Variants in CRPPA observed in about 807,000 individuals in gnomAD.
CRPPA encodes the protein CDP-L-ribitol pyrophosphorylase A, also known as D-ribitol-5-phosphate cytidylyltransferase.
Under a neutral mutation model 52.0 loss-of-function variants are expected in CRPPA, and 43 were observed. The ratio of observed to expected loss-of-function variants is 0.83; its 90% CI spans 0.65 to 1.07. The LOEUF (loss-of-function observed/expected upper bound fraction) is 1.07, where lower values mean the gene tolerates loss of function less well. Among genes scored for constraint, CRPPA ranks in the 50% least tolerant of loss-of-function variants. CRPPA has a pLI of 0.00. For synonymous variants in CRPPA, 250 were observed against 203.5 expected (o/e 1.23, Z -1.94); for missense variants, 629 against 551.7 (o/e 1.14, Z -1.40).
chr7:16,157,280 C>T (rs891530425), intron 9 of CRPPA, among the ~76,000 whole-genome samples: 1 of 150,316 alleles, frequency 6.7e-6, no homozygotes, highest in Admixed American at 6.7e-5. Context: ...AGATAAGCAA[C>T]TGGAGTTAAA....
intron 3 of CRPPA, among the ~76,000 whole-genome samples, chr7:16,371,622 A>G (rs1447897974): frequency 6.6e-6 from 1 of 152,032 alleles, no homozygotes; most frequent in Non-Finnish European, 1.5e-5. Flanking sequence ...AGAATCAGAA[A>G]AGTAATTCTG....
intron 1 of CRPPA, among the ~76,000 whole-genome samples, chr7:16,407,719 A>C (rs185246329): frequency 6.6e-6 from 1 of 152,292 alleles, no homozygotes; most frequent in East Asian, 1.9e-4. Context: ...CTAAAAGAAG[A>C]CTACACTGAT....
intron 9 of CRPPA, among the ~76,000 whole-genome samples, chr7:16,159,836 G>T (rs1161746237): frequency 6.6e-6 from 1 of 152,150 alleles, no homozygotes; most frequent in African/African-American, 2.4e-5. Context: ...CAGTGTAAAA[G>T]TGTTCCTATT....
chr7:16,388,973 A>C (rs937087386), intron 2 of CRPPA, among the ~76,000 whole-genome samples: 1 of 152,242 alleles, frequency 6.6e-6, no homozygotes, highest in African/African-American at 2.4e-5. Flanking sequence ...GAGAAATAAA[A>C]AGGAACATAA....
chr7:16,099,277 G>T (rs1781992548), intron 9 of CRPPA, among the ~76,000 whole-genome samples: 2 of 148,366 alleles, frequency 1.3e-5, no homozygotes, highest in African/African-American at 5.0e-5. Flanking sequence ...AGGGAGAGGG[G>T]CAGAAAAAAA....
intron 3 of CRPPA, among the ~76,000 whole-genome samples, chr7:16,374,994 G>A (rs552668966): frequency 3.5e-4 from 54 of 152,218 alleles, no homozygotes; most frequent in South Asian, 1.0e-3. Flanking sequence ...AAATGTTGAT[G>A]TACAGTTCTC....
intron 2 of CRPPA, among the ~76,000 whole-genome samples, chr7:16,385,977 T>A (rs561707615): frequency 8.7e-4 from 132 of 152,332 alleles, no homozygotes; most frequent in South Asian, 2.5e-3. Flanking sequence ...CATGTTACAG[T>A]GCTCCTTTAG....
intron 8 of CRPPA, among the ~76,000 whole-genome samples, chr7:16,252,724 C>T (rs1015657554): frequency 2.6e-5 from 4 of 152,118 alleles, no homozygotes; most frequent in South Asian, 2.1e-4. Flanking sequence ...GGCTGTGAAT[C>T]GGTCTGGTCC....
rs71007759 is a variant in CRPPA at position 16,286,097 on chromosome 7, A to AATATATATATAT, written c.836-7883_836-7872dup. 2.2e-3 allele frequency among the ~76,000 whole-genome samples: 87 copies of AATATATATATAT among 39,100 alleles called. 2 individuals are homozygous for AATATATATATAT. The highest frequency in any genetic ancestry group is 8.5e-3 in the African/African-American group (46 of 5,442). 25.7% of individuals were successfully genotyped at this position (39,100 alleles called of 152,430 possible). ...TATATATATAATATTTAAAAAAAAA[A>AATATATATATAT]ATATATATATATATATATATGCCAA... On this transcript the variant is annotated intron_variant, in intron 5 of 9. Transcript: ENST00000407010.
chr7:16,272,239 G>A (rs1267057369), intron 6 of CRPPA, among the ~76,000 whole-genome samples: 1 of 152,122 alleles, frequency 6.6e-6, no homozygotes, highest in East Asian at 1.9e-4. Context: ...AGTAGGAGAG[G>A]TGCCTCTCCC....
intron 3 of CRPPA, among the ~76,000 whole-genome samples, chr7:16,351,958 G>A (rs1786166015): frequency 6.6e-6 from 1 of 152,196 alleles, no homozygotes; most frequent in East Asian, 1.9e-4. Context: ...AAAGACACAT[G>A]CATACGTATG....
At chr7:16,164,376 T>C (rs956310758) in intron 9 of CRPPA, among the ~76,000 whole-genome samples, 6 of 152,212 alleles carry the variant, frequency 3.9e-5, no homozygotes, top group Admixed American at 1.3e-4. Context: ...TTTATGTTCT[T>C]CTGTAAACTG....
chr7:16,278,388 C>G (rs1019381500), intron 5 of CRPPA, among the ~76,000 whole-genome samples, 162 bp from the exon 6 acceptor site: 9 of 152,150 alleles, frequency 5.9e-5, no homozygotes, highest in Admixed American at 5.2e-4. Context: ...CTGAGATGGC[C>G]TTGATTCAGT....
intron 2 of CRPPA, among the ~76,000 whole-genome samples, chr7:16,396,376 T>G (rs1197199864): frequency 6.6e-6 from 1 of 152,172 alleles, no homozygotes; most frequent in Non-Finnish European, 1.5e-5. Context: ...GGTAACACCT[T>G]ACTCCTGCAA....
chr7:16,139,967 C>G (rs1782835990), intron 9 of CRPPA, among the ~76,000 whole-genome samples: 1 of 151,648 alleles, frequency 6.6e-6, no homozygotes, highest in African/African-American at 2.4e-5. Flanking sequence ...TTCCCACAGA[C>G]ATAATTAAAT....
intron 5 of CRPPA, among the ~76,000 whole-genome samples, chr7:16,295,540 A>G (rs1784653520): frequency 6.6e-6 from 1 of 152,074 alleles, no homozygotes; most frequent in Non-Finnish European, 1.5e-5. Context: ...TGTTAAAAGT[A>G]CTCTTTAGCC....
intron 8 of CRPPA, among the ~76,000 whole-genome samples, chr7:16,219,147 A>G (rs1782425519): frequency 6.6e-6 from 1 of 151,922 alleles, no homozygotes; most frequent in Non-Finnish European, 1.5e-5. Context: ...CTCACTCAAA[A>G]CCGCTCAACT....
At chr7:16,233,112 C>G (rs1299923789) in intron 8 of CRPPA, among the ~76,000 whole-genome samples, 1 of 151,606 alleles carries the variant, frequency 6.6e-6, no homozygotes, top group African/African-American at 2.4e-5. Flanking sequence ...AACTTGAAGA[C>G]ACAGCCATAA....
intron 9 of CRPPA, among the ~76,000 whole-genome samples, chr7:16,188,822 A>G (rs529820248): frequency 4.6e-5 from 7 of 152,298 alleles, no homozygotes. Flanking sequence ...GCAGCATGGG[A>G]ACTCTGTCAT....
Sources: allele counts gnomAD v4.1 joint callset (sites outside exome capture counted in the v4.1 genomes callset), GRCh38; gene constraint gnomAD v4.1.1; transcripts MANE v1.5; gene names NCBI Gene and HGNC (gene_info 2026-07-23, HGNC 2026-07-21).